SYTL2: variants seen among roughly 807,000 people sequenced by gnomAD.
SYTL2 encodes synaptotagmin like 2, also known as synaptotagmin-like protein 2.
Under a neutral mutation model 198.7 loss-of-function variants are expected in SYTL2, and 165 were observed. The ratio of observed to expected loss-of-function variants is 0.83; its 90% CI spans 0.73 to 0.94. The LOEUF (loss-of-function observed/expected upper bound fraction) is 0.94. SYTL2 is among the 40% of genes least tolerant of loss of function. The probability of loss-of-function intolerance (pLI) is 0.00; values close to 1 mark genes in which losing one functional copy is unlikely to be tolerated. For missense variants in SYTL2, 2,835 were observed against 2,582.8 expected (o/e 1.10, Z -2.12); for synonymous variants, 966 against 917.7 (o/e 1.05, Z -0.95).
At position 85,726,593 on chromosome 11, in the gene SYTL2, GA is replaced by G. The variant is rs1373890248; in HGVS notation, c.2764del (p.Ser922LeufsTer30). ...TGCTGGTAAAGTAATGTTTCTTCTA[GA>G]AGGCAAACTGTCTGCCACTTGTGAT... ...KRSQVADSLP[S>X]RRNITLPALQ... On this transcript the variant is annotated frameshift_variant, in exon 8 of 20. Transcript: ENST00000359152. LOFTEE classifies it high-confidence loss of function. 2 of 1,564,344 alleles carry G rather than the reference GA, an allele frequency of 1.3e-6. No homozygotes were observed. Among genetic ancestry groups the G allele is most frequent in the Non-Finnish European group, 1.7e-6 (2 of 1,160,326 alleles).
chr11:85,725,628 C>T lies in SYTL2; in HGVS notation c.3730G>A (p.Glu1244Lys). The T allele has an allele frequency of 1.2e-6, 2 of 1,614,136 alleles. No individual in the cohort carries two copies. The highest frequency in any genetic ancestry group is 1.1e-5 in the South Asian group (1 of 91,078). The part of the protein sequence containing the change: ...PVITGTNSKL[E>K]EGRFFGKGIE... ...CCTTTTCCAAAAAATCTCCCCTCTT[C>T]CAGCTTAGAGTTGGTTCCAGTGATA... Residue 1244 changes from glutamate (E) to lysine (K), a missense_variant, in exon 8 of 20, where the codon GAA becomes AAA. Glu to Lys is a moderately conservative substitution (Grantham distance 56, BLOSUM62 1). Around this residue, in one of 3 missense-constraint regions of SYTL2, gnomAD observed 2,645 missense variants for 2,381.7 expected, o/e 1.11. Transcript: ENST00000359152.
chr11:85,703,597 T>C (rs188374579), intron 16 of SYTL2, among the ~76,000 whole-genome samples: 1 of 152,228 alleles, frequency 6.6e-6, no homozygotes, highest in East Asian at 1.9e-4. Context: ...CCAGGAGATA[T>C]TCACTAAGAG....
At chr11:85,699,612 C>T (rs541262400) in intron 17 of SYTL2, among the ~76,000 whole-genome samples, 2 of 152,268 alleles carry the variant, frequency 1.3e-5, no homozygotes, top group African/African-American at 4.8e-5. Context: ...GAATGCTTTT[C>T]TTTAGTTCAG....
chr11:85,757,797 GCAACCAGGAAGATTAAAA>G lies in SYTL2; in HGVS notation c.-90_-73del. On this transcript the variant is annotated 5_prime_UTR_variant, in exon 2 of 20. Coordinates refer to ENST00000359152, the MANE Select transcript of SYTL2 (RefSeq NM_206927.4). ...TTCTCAGGGCTGAACAACTAAGACT[GCAACCAGGAAGATTAAAA>G]CACACAAAAATGAAATATCTTGTTC... 1 of 1,586,984 alleles carries G rather than the reference GCAACCAGGAAGATTAAAA, an allele frequency of 6.3e-7. No individual in the cohort carries two copies. The highest frequency in any genetic ancestry group is 1.7e-5 in the Admixed American group (1 of 59,346).
intron 2 of SYTL2, among the ~76,000 whole-genome samples, chr11:85,752,060 T>A (rs2091544089): frequency 6.6e-6 from 1 of 152,178 alleles, no homozygotes; most frequent in South Asian, 2.1e-4. Context: ...CCTACCCCTT[T>A]TCTCCTTGTG....
At chr11:85,767,304 C>T (rs1388334062) in intron 1 of SYTL2, among the ~76,000 whole-genome samples, 1 of 152,180 alleles carries the variant, frequency 6.6e-6, no homozygotes, top group African/African-American at 2.4e-5. Context: ...CTAGGACATA[C>T]ACAATTTCAA....
At chr11:85,714,553 G>T (rs1196677834) in intron 11 of SYTL2, 46 bp from the exon 12 acceptor site, 3 of 1,586,562 alleles carry the variant, frequency 1.9e-6, no homozygotes, top group Non-Finnish European at 2.6e-6. Flanking sequence ...ACAATTGTCA[G>T]AAAACATTAG....
At position 85,757,880 on chromosome 11, in the gene SYTL2, T is replaced by C; in HGVS notation, c.-155A>G. 9.6e-7 allele frequency: 1 copy of C among 1,041,270 alleles called. No homozygotes were observed. The highest frequency in any genetic ancestry group is 1.6e-5 in the South Asian group (1 of 63,408). The allele number at this position is 1,041,270 out of a possible 1,614,324, so 64.5% of individuals were successfully genotyped here. A position where few individuals can be genotyped will look rare whatever the true frequency, so the allele number is the denominator to read the frequency against. Reference sequence around the variant, plus strand: ...GTCTTATTTTGGCTCAGCAAAAGTTTAGGGCAGCTGATAGCAAGATCCTAA... The same window carrying C: ...GTCTTATTTTGGCTCAGCAAAAGTTCAGGGCAGCTGATAGCAAGATCCTAA... On this transcript the variant is annotated 5_prime_UTR_variant, in exon 2 of 20. Transcript: ENST00000359152.
intron 15 of SYTL2, among the ~76,000 whole-genome samples, chr11:85,706,139 A>C (rs2085109259): frequency 6.6e-6 from 1 of 152,224 alleles, no homozygotes; most frequent in Admixed American, 6.5e-5. Context: ...ACATATTTTG[A>C]ATACCTATCC....
chr11:85,777,833 T>TTTTTG (rs2092481134), intron 1 of SYTL2, among the ~76,000 whole-genome samples: 1 of 136,624 alleles, frequency 7.3e-6, no homozygotes, highest in Non-Finnish European at 1.5e-5. Context: ...TTTTTTTTTT[T>TTTTTG]TTTTGAGACC....
chr11:85,798,626 C>A (rs1336087759), intron 1 of SYTL2, among the ~76,000 whole-genome samples: 1 of 152,152 alleles, frequency 6.6e-6, no homozygotes, highest in Non-Finnish European at 1.5e-5. Context: ...AGATACAAAG[C>A]AAACTCAACA....
At chr11:85,808,024 G>A (rs2092982001) in intron 1 of SYTL2, among the ~76,000 whole-genome samples, 1 of 152,026 alleles carries the variant, frequency 6.6e-6, no homozygotes, top group Non-Finnish European at 1.5e-5. Flanking sequence ...TATATCCCAA[G>A]TTTTGCTTTA....
chr11:85,743,171 A>G (rs1430664886), intron 4 of SYTL2, among the ~76,000 whole-genome samples: 1 of 152,250 alleles, frequency 6.6e-6, no homozygotes, highest in Non-Finnish European at 1.5e-5. Context: ...GTATTGAGTC[A>G]TTCTATTAAA....
chr11:85,809,999 CTGG>C (rs373734477), intron 1 of SYTL2, among the ~76,000 whole-genome samples: 138 of 152,356 alleles, frequency 9.1e-4, no homozygotes, highest in African/African-American at 3.2e-3. Context: ...GGTCACCATC[CTGG>C]TGGGGAATGG....
Position 85,709,353 on chromosome 11 carries a change from C to T in SYTL2, c.5893G>A (p.Val1965Ile). 6.2e-7 allele frequency: 1 copy of T among 1,614,096 alleles called. No individual in the cohort carries two copies. Among genetic ancestry groups the T allele is most frequent in the East Asian group, 2.2e-5 (1 of 44,864 alleles). Residue 1965 changes from valine to isoleucine, a missense_variant, in exon 14 of 20, where the codon GTA becomes ATA. This residue lies in a region of SYTL2 where 2,645 missense variants were observed against 2,381.7 expected (regional missense o/e 1.11). Coordinates refer to ENST00000359152, the MANE Select transcript of SYTL2 (RefSeq NM_206927.4). ...TACGGGTCTGAACGCTGTTTTTTTA[C>T]ATCCGCTGCTGCTAAGTCCTTACAC... The part of the protein sequence containing the change: ...AQCKDLAAAD[V>I]KKQRSDPYVK...
chr11:85,747,866 A>T (rs1170828578), intron 3 of SYTL2, among the ~76,000 whole-genome samples: 2 of 152,208 alleles, frequency 1.3e-5, no homozygotes, highest in African/African-American at 4.8e-5. Context: ...TAAATAATGT[A>T]CTTGGTTAAT....
chr11:85,709,947 T>G (rs537711830), intron 13 of SYTL2, among the ~76,000 whole-genome samples: 18 of 152,330 alleles, frequency 1.2e-4, no homozygotes, highest in African/African-American at 4.1e-4. Context: ...CCTCCCAAAG[T>G]GCTGGAATTA....
At chr11:85,827,898 TCA>T in the SYTL2 span, among the ~76,000 whole-genome samples, 1 of 152,306 alleles carries the variant, frequency 6.6e-6, no homozygotes, top group South Asian at 2.1e-4. Flanking sequence ...TGAAACACAC[TCA>T]CAAAAAGTTG....
At chr11:85,714,666 C>T in intron 11 of SYTL2, 159 bp from the exon 12 acceptor site, 5 of 1,359,854 alleles carry the variant, frequency 3.7e-6, no homozygotes, top group Non-Finnish European at 4.8e-6. Flanking sequence ...ATGAGATTAG[C>T]AACATGCAGT....
Sources: gnomAD v4.1 joint callset for allele counts (sites outside exome capture counted in the v4.1 genomes callset) on GRCh38, gnomAD v4.1.1 for gene constraint, gnomAD v4.1.1 regional missense constraint, MANE v1.5 for transcripts, NCBI Gene and HGNC (gene_info 2026-07-23, HGNC 2026-07-21) for gene names.